The following AGBL3 variants were observed in gnomAD, a reference collection of about 807,000 sequenced individuals.
AGBL3 encodes the protein AGBL carboxypeptidase 3.
In AGBL3, 68 loss-of-function variants were observed where a neutral mutation model predicts 94.5. The observed-to-expected ratio is 0.72, with a 90% confidence interval of 0.59 to 0.88. The LOEUF is 0.88. AGBL3 is among the 40% of genes least tolerant of loss of function. The pLI, the probability that AGBL3 is intolerant of heterozygous loss-of-function variation, is 0.00. For synonymous variants in AGBL3, 354 were observed against 370.7 expected, an observed-to-expected ratio of 0.95 and a Z score of 0.52; for missense variants, 934 against 1,103.8, an observed-to-expected ratio of 0.85 and a Z score of 2.18.
At chr7:135,132,316 A>G (rs1274897101) in intron 16 of AGBL3, among the ~76,000 whole-genome samples, 1 of 152,226 alleles carries the variant, frequency 6.6e-6, no homozygotes, top group Non-Finnish European at 1.5e-5. Flanking sequence ...ATTATACACC[A>G]TGACCAAGTG....
At chr7:134,999,616 C>T (rs1811458807) in intron 4 of AGBL3, among the ~76,000 whole-genome samples, 1 of 152,200 alleles carries the variant, frequency 6.6e-6, no homozygotes, top group Non-Finnish European at 1.5e-5. Flanking sequence ...ACATGTCCTA[C>T]TTTAATGTGC....
At chr7:135,128,372 G>A (rs1244629396) in intron 16 of AGBL3, 1 of 469,544 alleles carries the variant, frequency 2.1e-6, no homozygotes, top group African/African-American at 2.0e-5. Context: ...TGGCCCTGGT[G>A]GGAGTGTAGC....
chr7:135,101,951 A>G (rs1329613126), intron 15 of AGBL3, among the ~76,000 whole-genome samples: 5 of 152,222 alleles, frequency 3.3e-5, no homozygotes, highest in African/African-American at 1.2e-4. Flanking sequence ...TGGTTTTATA[A>G]GGGGTTTCCG....
rs143402698 is a variant in AGBL3 at position 135,053,588 on chromosome 7, C to T, written c.1842-5581C>T. ...TGCCATTGCACTCCAGCCTGGGCAA[C>T]AAGAGCAAAACTCCGTCTCAAAAAA... is the stretch of plus-strand genomic sequence containing the variant. On this transcript the variant is annotated intron_variant, in intron 11 of 16. Transcript: ENST00000436302. Among the ~76,000 whole-genome samples the T allele has an allele frequency of 8.3e-3, 1,269 of 152,154 alleles. 24 individuals are homozygous for T. The highest frequency in any genetic ancestry group is 0.029 in the African/African-American group (1,215 of 41,498).
In AGBL3 at chr7:135,135,153, G is replaced by A; in HGVS notation, c.2655G>A (p.Gln885=). The change falls in exon 17 of 17, where the codon CAG becomes CAA. Residue 885 remains glutamine, a synonymous_variant. Coordinates refer to ENST00000436302, the MANE Select transcript of AGBL3 (RefSeq NM_178563.4). ...YKSLQAEETN[Q]QSSKHTALHL... ...GTCTTCAAGCTGAAGAAACTAACCAGCAAAGCTCTAAGCATACAGCCCTCC... is the reference window on the plus strand; with the variant it reads ...GTCTTCAAGCTGAAGAAACTAACCAACAAAGCTCTAAGCATACAGCCCTCC... 1 of 1,551,080 alleles carries A rather than the reference G, an allele frequency of 6.4e-7. No homozygotes were observed. Among genetic ancestry groups the A allele is most frequent in the Non-Finnish European group, 8.7e-7 (1 of 1,146,602 alleles).
At chr7:135,063,825 C>T (rs1819047554) in intron 12 of AGBL3, among the ~76,000 whole-genome samples, 3 of 152,176 alleles carry the variant, frequency 2.0e-5, no homozygotes, top group African/African-American at 7.2e-5. Context: ...ATGCATAACA[C>T]CCTCAGACTA....
At chr7:135,047,547 G>T (rs1817484360) in intron 11 of AGBL3, among the ~76,000 whole-genome samples, 1 of 151,858 alleles carries the variant, frequency 6.6e-6, no homozygotes, top group South Asian at 2.1e-4. Flanking sequence ...CTTGTCTTTT[G>T]GTTTTTTGAT....
chr7:135,017,033 G>A lies in AGBL3; in HGVS notation c.311-19G>A. 6.9e-7 allele frequency: 1 copy of A among 1,440,694 alleles called. No homozygotes were observed. Among genetic ancestry groups the A allele is most frequent in the East Asian group, 2.5e-5 (1 of 40,370 alleles). The allele number at this position is 1,440,694 out of a possible 1,614,324, so 89.2% of individuals were successfully genotyped here. On this transcript the variant is annotated intron_variant, in intron 4 of 16. Transcript: ENST00000436302. ...TATTTTGAAGTCATCTTCAAATAATGTTTCACTTTTTTTTCCAGATTGGAC... is the reference window on the plus strand; with the variant it reads ...TATTTTGAAGTCATCTTCAAATAATATTTCACTTTTTTTTCCAGATTGGAC...
Position 135,135,629 on chromosome 7 carries a change from A to G in AGBL3, c.*368A>G, listed in dbSNP as rs1275896043. On this transcript the variant is annotated 3_prime_UTR_variant, in exon 17 of 17. Coordinates refer to ENST00000436302, the MANE Select transcript of AGBL3 (RefSeq NM_178563.4). ...ATATGTCACTGATTTTAACCTCCCTACTAGACACTTTAATCAATTAGTCAA... is the reference window on the plus strand; with the variant it reads ...ATATGTCACTGATTTTAACCTCCCTGCTAGACACTTTAATCAATTAGTCAA... 6.2e-6 allele frequency: 1 copy of G among 161,176 alleles called. No individual in the cohort carries two copies. The highest frequency in any genetic ancestry group is 1.4e-5 in the Non-Finnish European group (1 of 73,958). The allele number at this position is 161,176 out of a possible 1,614,324, so 10.0% of individuals were successfully genotyped here. A position where few individuals can be genotyped will look rare whatever the true frequency, so the allele number is the denominator to read the frequency against.
chr7:135,000,608 C>T (rs936235702), intron 4 of AGBL3, among the ~76,000 whole-genome samples: 43 of 152,120 alleles, frequency 2.8e-4, no homozygotes, highest in East Asian at 2.3e-3. Flanking sequence ...AATGTATATA[C>T]GCATATGTGT....
intron 15 of AGBL3, among the ~76,000 whole-genome samples, chr7:135,103,654 C>A (rs979296375): frequency 2.6e-5 from 4 of 152,102 alleles, no homozygotes; most frequent in South Asian, 2.1e-4. Context: ...CAGTAGGAGA[C>A]TGAGAGGGGA....
Position 135,028,008 on chromosome 7 carries a change from A to C in AGBL3, c.419-4836A>C, listed in dbSNP as rs549017019. On this transcript the variant is annotated intron_variant, in intron 5 of 16. Coordinates refer to ENST00000436302, the MANE Select transcript of AGBL3 (RefSeq NM_178563.4). The stretch of plus-strand genomic sequence containing the variant: ...GGTGTCCAAGTGGATATGAAAGTCC[A>C]TTAGGTGTGAAATAGCATCATGTCT... Among the ~76,000 whole-genome samples the C allele has an allele frequency of 4.0e-5, 6 of 151,832 alleles. No homozygotes were observed. In the South Asian group the frequency reaches 1.3e-3, roughly 32 times the overall value.
chr7:135,108,956 T>C (rs1380429953), intron 15 of AGBL3, among the ~76,000 whole-genome samples: 2 of 152,250 alleles, frequency 1.3e-5, no homozygotes, highest in Non-Finnish European at 2.9e-5. Flanking sequence ...CAAGATTCTT[T>C]CCTCAGCTTG....
At position 135,045,482 on chromosome 7, in the gene AGBL3, C is replaced by T. The variant is rs545093113; in HGVS notation, c.1636C>T (p.Arg546Ter). ...TFCGSTLGNK[R>*]GTHFSTKDLE... ...ACTTATTGATGTTTTAGGTAACAAA[C>T]GAGGCACTCATTTCAGCACGAAAGA... The change falls in exon 10 of 17, where the codon CGA (arginine) becomes TGA (stop). Residue 546 changes from arginine to a stop codon, truncating the protein, a stop_gained. Transcript: ENST00000436302. LOFTEE classifies it high-confidence loss of function. 170 of 1,550,740 alleles carry T rather than the reference C, an allele frequency of 1.1e-4. 1 individual carries two copies. The highest frequency in any genetic ancestry group is 1.3e-4 in the Non-Finnish European group (150 of 1,146,244).
At chr7:135,114,536 G>A (rs901981053) in intron 15 of AGBL3, among the ~76,000 whole-genome samples, 1 of 151,910 alleles carries the variant, frequency 6.6e-6, no homozygotes, top group Non-Finnish European at 1.5e-5. Context: ...TCCTTATACT[G>A]CCATTTCCTC....
chr7:135,039,710 G>A (rs994238888), intron 8 of AGBL3, among the ~76,000 whole-genome samples: 3 of 152,014 alleles, frequency 2.0e-5, no homozygotes, highest in African/African-American at 4.8e-5. Context: ...ACTCCAGCCT[G>A]GGCAACAGTG....
At chr7:134,990,480 C>A (rs1810097419) in intron 3 of AGBL3, among the ~76,000 whole-genome samples, 1 of 152,156 alleles carries the variant, frequency 6.6e-6, no homozygotes, top group Non-Finnish European at 1.5e-5. Flanking sequence ...ATCAAAATTT[C>A]TCCATTTAGC....
chr7:135,049,852 C>G (rs1817714420), intron 11 of AGBL3, among the ~76,000 whole-genome samples: 1 of 151,704 alleles, frequency 6.6e-6, no homozygotes, highest in Non-Finnish European at 1.5e-5. Context: ...TTTCAAAAAA[C>G]TAATTCTTAG....
chr7:134,999,611 T>A (rs1464818075), intron 4 of AGBL3, among the ~76,000 whole-genome samples: 2 of 152,196 alleles, frequency 1.3e-5, no homozygotes, highest in Non-Finnish European at 2.9e-5. Flanking sequence ...CACTGACATG[T>A]CCTACTTTAA....
Sources: allele counts gnomAD v4.1 joint callset (sites outside exome capture counted in the v4.1 genomes callset), GRCh38; gene constraint gnomAD v4.1.1; transcripts MANE v1.5; gene names NCBI Gene and HGNC (gene_info 2026-07-23, HGNC 2026-07-21).